Variants in HGF observed in about 807,000 individuals in gnomAD.
HGF encodes hepatocyte growth factor.
A neutral mutation model predicts 111.6 loss-of-function variants in HGF; 39 were observed. The observed-to-expected ratio is 0.35, with a 90% confidence interval of 0.27 to 0.46. The LOEUF is 0.46. HGF is among the 20% of genes least tolerant of loss of function. The pLI, the probability that HGF is intolerant of heterozygous loss-of-function variation, is 1.00. For missense variants in HGF, 735 were observed against 910.5 expected (o/e 0.81, Z 2.48); for synonymous variants, 285 against 294.8 (o/e 0.97, Z 0.34).
chr7:81,702,537 A>C lies in HGF; in HGVS notation c.*44T>G. 6.8e-7 allele frequency: 1 copy of C among 1,468,526 alleles called. No homozygotes were observed. The highest frequency in any genetic ancestry group is 9.5e-7 in the Non-Finnish European group (1 of 1,048,992). 91.0% of individuals were successfully genotyped at this position (1,468,526 alleles called of 1,614,324 possible). On this transcript the variant is annotated 3_prime_UTR_variant, in exon 18 of 18. Coordinates refer to ENST00000222390, the MANE Select transcript of HGF (RefSeq NM_000601.6). ...CCACATTCTCTGAAATCTTCATGTA[A>C]AAGACAGTTGTATTGGTGGGTGCTT...
chr7:81,721,291 A>G (rs1381800131), intron 9 of HGF, among the ~76,000 whole-genome samples: 2 of 152,214 alleles, frequency 1.3e-5, no homozygotes, highest in Non-Finnish European at 2.9e-5. Flanking sequence ...AATCTGTACA[A>G]ATCAAAAATA....
chr7:81,759,507 T>C (rs1255311474), intron 2 of HGF, among the ~76,000 whole-genome samples: 2 of 152,176 alleles, frequency 1.3e-5, no homozygotes, highest in African/African-American at 4.8e-5. Flanking sequence ...TAAGCATTTT[T>C]TGTTTTTTTG....
chr7:81,762,766 A>G lies in HGF; in HGVS notation c.195T>C (p.Asn65=). The part of the protein sequence containing the change: ...PALKIKTKKV[N]TADQCANRCT... ...ATCTATTAGCACATTGGTCTGCAGT[A>G]TTCACTTTTTTGGTTTTTATCTTCA... The change falls in exon 2 of 18, where the codon AAT becomes AAC. Residue 65 remains asparagine, a synonymous_variant. Coordinates refer to ENST00000222390, the MANE Select transcript of HGF (RefSeq NM_000601.6). The G allele has an allele frequency of 1.2e-6, 2 of 1,612,758 alleles. No individual in the cohort carries two copies. Among genetic ancestry groups the G allele is most frequent in the South Asian group, 2.2e-5 (2 of 91,046 alleles).
Position 81,716,976 on chromosome 7 carries a change from A to G in HGF, c.1405+256T>C, listed in dbSNP as rs5745725. 0.042 allele frequency among the ~76,000 whole-genome samples: 6,329 copies of G among 152,224 alleles called. 179 individuals carry two copies. Among genetic ancestry groups the G allele is most frequent in the Middle Eastern group, 0.12 (35 of 294 alleles). ...GCCAATTAATGCTTTCGGAATCCCA[A>G]TGGAAATCTTCTGAGGGAAGAGAAT... On this transcript the variant is annotated intron_variant, in intron 11 of 17. Transcript: ENST00000222390.
intron 12 of HGF, among the ~76,000 whole-genome samples, chr7:81,711,190 C>T (rs1005984152): frequency 2.6e-5 from 4 of 152,130 alleles, no homozygotes; most frequent in African/African-American, 7.2e-5. Flanking sequence ...GTCCATTATA[C>T]GCATTGTGCC....
chr7:81,745,229 T>C, intron 5 of HGF, 109 bp from the exon 6 acceptor site: 2 of 1,134,860 alleles, frequency 1.8e-6, no homozygotes, highest in Non-Finnish European at 2.6e-6. Context: ...TTTTAAAAAA[T>C]CCTACACATC....
At chr7:81,736,654 T>G (rs1787834504) in intron 7 of HGF, 1 of 442,392 alleles carries the variant, frequency 2.3e-6, no homozygotes, top group African/African-American at 2.0e-5. Flanking sequence ...TAAAATTTTT[T>G]GAAAGCAGAA....
At chr7:81,763,502 G>A (rs1213728175) in intron 1 of HGF, among the ~76,000 whole-genome samples, 1 of 152,074 alleles carries the variant, frequency 6.6e-6, no homozygotes, top group Non-Finnish European at 1.5e-5. Context: ...TAAATCAAAT[G>A]TATGTAAAAC....
chr7:81,749,229 G>C (rs1313532584), intron 5 of HGF, among the ~76,000 whole-genome samples: 1 of 152,008 alleles, frequency 6.6e-6, no homozygotes, highest in African/African-American at 2.4e-5. Context: ...GATTTTAAAT[G>C]TATTGTATTT....
At position 81,727,000 on chromosome 7, in the gene HGF, A is replaced by C. The variant is rs189297816; in HGVS notation, c.1041-983T>G. On this transcript the variant is annotated intron_variant, in intron 8 of 17. Coordinates refer to ENST00000222390, the MANE Select transcript of HGF (RefSeq NM_000601.6). Reference sequence around the variant, plus strand: ...GGTCCAATTAGAAGTACTATTATACAATTATCTTAATATCCAAATGGACCA... The same window carrying C: ...GGTCCAATTAGAAGTACTATTATACCATTATCTTAATATCCAAATGGACCA... Among the ~76,000 whole-genome samples the C allele has an allele frequency of 4.6e-5, 7 of 151,844 alleles. No individual in the cohort carries two copies. The East Asian group carries it at 1.2e-3, about 25-fold the overall frequency.
intron 1 of HGF, among the ~76,000 whole-genome samples, chr7:81,767,312 A>G (rs1391125555): frequency 6.6e-6 from 1 of 151,992 alleles, no homozygotes; most frequent in Non-Finnish European, 1.5e-5. Context: ...AAAAAACACC[A>G]CATAGTTCAT....
chr7:81,730,432 G>A (rs995890994), intron 7 of HGF, among the ~76,000 whole-genome samples: 3 of 152,168 alleles, frequency 2.0e-5, no homozygotes, highest in East Asian at 1.9e-4. Context: ...TCCAGCCTGG[G>A]CAAGAAGAGT....
chr7:81,717,955 C>A (rs1562877347), intron 10 of HGF, among the ~76,000 whole-genome samples: 1 of 151,938 alleles, frequency 6.6e-6, no homozygotes, highest in Non-Finnish European at 1.5e-5. Context: ...AAATTTATTA[C>A]AAAAGAAAAG....
chr7:81,736,997 T>A (rs1787853133), intron 7 of HGF, among the ~76,000 whole-genome samples: 1 of 151,120 alleles, frequency 6.6e-6, no homozygotes, highest in African/African-American at 2.4e-5. Context: ...ATAGTGGATA[T>A]AGATATTTCA....
chr7:81,715,953 T>C (rs1425914496), intron 11 of HGF, among the ~76,000 whole-genome samples: 1 of 152,174 alleles, frequency 6.6e-6, no homozygotes, highest in Non-Finnish European at 1.5e-5. Flanking sequence ...TGGTTTAACA[T>C]TGTGGTAAAG....
At chr7:81,734,640 A>T (rs1343277510) in intron 7 of HGF, among the ~76,000 whole-genome samples, 1 of 152,096 alleles carries the variant, frequency 6.6e-6, no homozygotes, top group East Asian at 1.9e-4. Context: ...TAGAAAAAAA[A>T]ATCTGATTAC....
At chr7:81,751,600 T>C (rs556972476) in intron 5 of HGF, 9 of 995,192 alleles carry the variant, frequency 9.0e-6, no homozygotes, top group Non-Finnish European at 1.1e-5. Context: ...CACATTTGAT[T>C]CTAGGCACAT....
chr7:81,726,701 C>T (rs12534444), intron 8 of HGF, among the ~76,000 whole-genome samples: 129,566 of 151,940 alleles, frequency 0.85, 55,634 homozygotes, highest in African/African-American at 0.95. Flanking sequence ...ATGTAGTACA[C>T]GTATATTCTT....
At chr7:81,769,277 C>T (rs932296855) in intron 1 of HGF, among the ~76,000 whole-genome samples, 2 of 152,124 alleles carry the variant, frequency 1.3e-5, no homozygotes, top group African/African-American at 2.4e-5. Context: ...TCAAAGTCTC[C>T]GTGCACTGCA....
Sources: gnomAD v4.1 joint callset for allele counts (sites outside exome capture counted in the v4.1 genomes callset) on GRCh38, gnomAD v4.1.1 for gene constraint, MANE v1.5 for transcripts, NCBI Gene and HGNC (gene_info 2026-07-23, HGNC 2026-07-21) for gene names.